COX7B2: variants seen among roughly 807,000 people sequenced by gnomAD.
The protein encoded by COX7B2 is cytochrome c oxidase subunit 7B2.
For synonymous variants in COX7B2, 37 were observed against 32.1 expected (o/e 1.15, Z -0.51); for missense variants, 109 against 95.9 (o/e 1.14, Z -0.57).
intron 2 of COX7B2, among the ~76,000 whole-genome samples, chr4:46,801,969 G>T (rs969099176): frequency 1.3e-5 from 2 of 152,198 alleles, no homozygotes; most frequent in East Asian, 1.9e-4. Flanking sequence ...TCACTCTCAG[G>T]AAAGTGAGGC....
intron 2 of COX7B2, among the ~76,000 whole-genome samples, chr4:46,790,038 A>C (rs1419596904): frequency 6.6e-6 from 1 of 152,074 alleles, no homozygotes; most frequent in Non-Finnish European, 1.5e-5. Flanking sequence ...GGTTTTAGAC[A>C]TCCACACATC....
chr4:46,737,950 T>C (rs914866585), intron 2 of COX7B2, among the ~76,000 whole-genome samples: 3 of 152,156 alleles, frequency 2.0e-5, no homozygotes, highest in African/African-American at 7.2e-5. Context: ...CAGAGCCAAA[T>C]TAATTTCTTC....
At chr4:46,783,915 T>C (rs565241979) in intron 2 of COX7B2, among the ~76,000 whole-genome samples, 1 of 152,306 alleles carries the variant, frequency 6.6e-6, no homozygotes, top group East Asian at 1.9e-4. Context: ...TTACTTCTCT[T>C]TATGGTTTCC....
intron 2 of COX7B2, among the ~76,000 whole-genome samples, chr4:46,753,460 G>C (rs908635161): frequency 1.3e-4 from 20 of 151,654 alleles, no homozygotes; most frequent in African/African-American, 4.6e-4. Context: ...CAAGAAATGG[G>C]GAAAGGATTC....
rs533585677 is a variant in COX7B2, at chr4:46,893,938, C to T, written c.-105+15222G>A. Among the ~76,000 whole-genome samples, 16 of 152,112 alleles carry T rather than the reference C, an allele frequency of 1.1e-4. No homozygotes were observed. In the East Asian group the frequency reaches 3.1e-3, roughly 29 times the overall value. The stretch of plus-strand genomic sequence containing the variant: ...AACTGACACAAAAAGAATAAAATAC[C>T]TAGGAATACAACTAACCAGGAAGGT... On this transcript the variant is annotated intron_variant, in intron 1 of 2. Transcript: ENST00000355591.
rs185856303 is a variant in COX7B2 at position 46,754,122 on chromosome 4, A to G, written c.-49-18881T>C. 1.9e-4 allele frequency among the ~76,000 whole-genome samples: 29 copies of G among 152,266 alleles called. No individual in the cohort carries two copies. In the East Asian group the frequency reaches 5.2e-3, roughly 28 times the overall value. On this transcript the variant is annotated intron_variant, in intron 2 of 2. Transcript: ENST00000355591. ...ACTTTTACACTATTGGTGGGACTGT[A>G]AACTAGTTCAACCATTGTGGAAGTC... is the stretch of plus-strand genomic sequence containing the variant.
intron 2 of COX7B2, among the ~76,000 whole-genome samples, chr4:46,802,493 A>G (rs1212559711): frequency 6.6e-6 from 1 of 152,126 alleles, no homozygotes; most frequent in Non-Finnish European, 1.5e-5. Flanking sequence ...AGAATTTTCC[A>G]GTTGTTTTTT....
chr4:46,816,143 C>G (rs1271704338), intron 2 of COX7B2, among the ~76,000 whole-genome samples: 1 of 152,158 alleles, frequency 6.6e-6, no homozygotes, highest in African/African-American at 2.4e-5. Flanking sequence ...CTATTACAGC[C>G]TGTAAAATTA....
intron 1 of COX7B2, among the ~76,000 whole-genome samples, chr4:46,857,281 G>T (rs1315281548): frequency 1.3e-5 from 2 of 152,212 alleles, no homozygotes; most frequent in East Asian, 3.8e-4. Flanking sequence ...TGTGAGAATA[G>T]AATTACACCA....
intron 2 of COX7B2, among the ~76,000 whole-genome samples, chr4:46,781,580 T>C (rs2109552632): frequency 6.6e-6 from 1 of 152,350 alleles, no homozygotes; most frequent in South Asian, 2.1e-4. Context: ...CTGGCCACGC[T>C]TGAGGAGCCC....
chr4:46,767,390 T>C (rs551133738), intron 2 of COX7B2, among the ~76,000 whole-genome samples: 2 of 152,044 alleles, frequency 1.3e-5, no homozygotes, highest in African/African-American at 4.8e-5. Context: ...TGAAGGGAAA[T>C]AGACAATACA....
At chr4:46,806,324 C>G (rs1191335340) in intron 2 of COX7B2, among the ~76,000 whole-genome samples, 3 of 151,306 alleles carry the variant, frequency 2.0e-5, no homozygotes, top group African/African-American at 7.3e-5. Flanking sequence ...AATGACAGAC[C>G]TTCCATATGA....
At chr4:46,841,126 G>C (rs1715896665) in intron 2 of COX7B2, among the ~76,000 whole-genome samples, 1 of 151,946 alleles carries the variant, frequency 6.6e-6, no homozygotes, top group Admixed American at 6.6e-5. Context: ...TTTGAGCAAT[G>C]AGACACTGAA....
intron 1 of COX7B2, among the ~76,000 whole-genome samples, chr4:46,883,227 A>G (rs1187658323): frequency 6.6e-6 from 1 of 152,216 alleles, no homozygotes; most frequent in African/African-American, 2.4e-5. Flanking sequence ...CATGAGAAGG[A>G]CATTATCATT....
intron 2 of COX7B2, among the ~76,000 whole-genome samples, chr4:46,797,278 T>G (rs1285596401): frequency 1.3e-5 from 2 of 152,044 alleles, no homozygotes; most frequent in African/African-American, 4.8e-5. Context: ...TTTTGGGAAC[T>G]ACTGGACCCT....
chr4:46,891,699 C>T (rs143715145), intron 1 of COX7B2, among the ~76,000 whole-genome samples: 15 of 152,246 alleles, frequency 9.9e-5, no homozygotes, highest in Non-Finnish European at 1.6e-4. Flanking sequence ...AGCCCTTCAT[C>T]CACTCTAGCT....
At position 46,818,313 on chromosome 4, in the gene COX7B2, T is replaced by A. The variant is rs116905330; in HGVS notation, c.-50+26647A>T. On this transcript the variant is annotated intron_variant, in intron 2 of 2. Coordinates refer to ENST00000355591, the MANE Select transcript of COX7B2 (RefSeq NM_130902.3). ...ATTGTTCAGAGAATTGCAGTGAACT[T>A]GATAAAGAATACATGAACATAGAAA... is the stretch of plus-strand genomic sequence containing the variant. Among the ~76,000 whole-genome samples, 56 of 152,146 alleles carry A rather than the reference T, an allele frequency of 3.7e-4. 4 individuals are homozygous for A. The East Asian group carries it at 0.011, about 29-fold the overall frequency.
intron 1 of COX7B2, among the ~76,000 whole-genome samples, chr4:46,887,712 A>G (rs1719164424): frequency 7.1e-6 from 1 of 140,388 alleles, no homozygotes; most frequent in African/African-American, 2.9e-5. Flanking sequence ...CTCCTTCTCA[A>G]AAAAAAAAAA....
intron 2 of COX7B2, among the ~76,000 whole-genome samples, chr4:46,836,029 G>A (rs1577634457): frequency 1.3e-5 from 2 of 152,214 alleles, no homozygotes; most frequent in African/African-American, 4.8e-5. Context: ...ACCTTTATAG[G>A]GCACTTATGA....
Sources: gnomAD v4.1 joint callset for allele counts (sites outside exome capture counted in the v4.1 genomes callset) on GRCh38, gnomAD v4.1.1 for gene constraint, MANE v1.5 for transcripts, NCBI Gene and HGNC (gene_info 2026-07-23, HGNC 2026-07-21) for gene names.